The following DPYD variants were observed in gnomAD, a reference collection of about 807,000 sequenced individuals.
The protein encoded by DPYD is dihydropyrimidine dehydrogenase, also known as dihydropyrimidine dehydrogenase [NADP(+)].
DPYD carries 109 observed loss-of-function variants against 116.2 expected under a neutral mutation model. The ratio of observed to expected loss-of-function variants is 0.94; its 90% confidence interval spans 0.80 to 1.10. The LOEUF (loss-of-function observed/expected upper bound fraction) is 1.10, where lower values mean the gene tolerates loss of function less well. DPYD is among the 50% of genes least tolerant of loss of function. The pLI, the probability that DPYD is intolerant of heterozygous loss-of-function variation, is 0.00. For synonymous variants in DPYD, 440 were observed against 432.0 expected, an observed-to-expected ratio of 1.02 and a Z score of -0.23; for missense variants, 1,302 against 1,254.5, an observed-to-expected ratio of 1.04 and a Z score of -0.57.
At position 97,640,139 on chromosome 1, in the gene DPYD, C is replaced by T. The variant is rs573433078; in HGVS notation, c.850+38956G>A. Among the ~76,000 whole-genome samples, 8 of 152,154 alleles carry T rather than the reference C, an allele frequency of 5.3e-5. No individual in the cohort carries two copies. The South Asian group carries it at 1.5e-3, about 28-fold the overall frequency. ...AATACATACTAATGAAGTCAAGTTACGTAGTGACTTACAGATTTAAAGGGT... is the reference window on the plus strand; with the variant it reads ...AATACATACTAATGAAGTCAAGTTATGTAGTGACTTACAGATTTAAAGGGT... On this transcript the variant is annotated intron_variant, in intron 8 of 22. Coordinates refer to ENST00000370192, the MANE Select transcript of DPYD (RefSeq NM_000110.4).
intron 18 of DPYD, among the ~76,000 whole-genome samples, chr1:97,264,755 A>G (rs953799156): frequency 2.0e-5 from 3 of 152,012 alleles, no homozygotes; most frequent in Non-Finnish European, 4.4e-5. Context: ...CACAAGGCAA[A>G]GCTAATTTAT....
At chr1:97,609,015 A>C (rs1473258947) in intron 8 of DPYD, among the ~76,000 whole-genome samples, 1 of 151,964 alleles carries the variant, frequency 6.6e-6, no homozygotes, top group Non-Finnish European at 1.5e-5. Context: ...TTTTGACAGA[A>C]TCAATAAAAA....
At chr1:97,737,775 A>G (rs1453794032) in intron 4 of DPYD, among the ~76,000 whole-genome samples, 5 of 152,052 alleles carry the variant, frequency 3.3e-5, no homozygotes, top group Admixed American at 3.3e-4. Flanking sequence ...ATATATATAC[A>G]CACACACATA....
At chr1:97,335,312 A>G (rs1249251017) in intron 16 of DPYD, among the ~76,000 whole-genome samples, 3 of 120,726 alleles carry the variant, frequency 2.5e-5, no homozygotes, top group Admixed American at 8.9e-5. Flanking sequence ...ACACACACAC[A>G]CACACACACA....
intron 8 of DPYD, among the ~76,000 whole-genome samples, chr1:97,597,276 A>G (rs371952530): frequency 6.6e-6 from 1 of 152,194 alleles, no homozygotes; most frequent in African/African-American, 2.4e-5. Flanking sequence ...AGGTCCACGG[A>G]GCCCTCCTCC....
chr1:97,559,835 G>A (rs1439994130), intron 11 of DPYD, among the ~76,000 whole-genome samples: 1 of 152,094 alleles, frequency 6.6e-6, no homozygotes, highest in African/African-American at 2.4e-5. Context: ...ATATCTAATG[G>A]GGATAAAACT....
chr1:97,688,273 G>T lies in DPYD; in HGVS notation c.762+3444C>A, dbSNP rs779030354. Among the ~76,000 whole-genome samples, 101 of 152,014 alleles carry T rather than the reference G, an allele frequency of 6.6e-4. 3 individuals carry two copies. The highest frequency in any genetic ancestry group is 4.6e-4 in the African/African-American group (19 of 41,374). On this transcript the variant is annotated intron_variant, in intron 7 of 22. Coordinates refer to ENST00000370192, the MANE Select transcript of DPYD (RefSeq NM_000110.4). The stretch of plus-strand genomic sequence containing the variant: ...GTTTATTTTAAAGAAAATATTAACT[G>T]GATAGGAAAACACAAAGGAAATTTA...
At chr1:97,772,371 T>C (rs1046983266) in intron 3 of DPYD, among the ~76,000 whole-genome samples, 2 of 152,206 alleles carry the variant, frequency 1.3e-5, no homozygotes, top group African/African-American at 4.8e-5. Flanking sequence ...AAGTTAGCTA[T>C]CCAGCCTGTT....
chr1:97,236,548 T>A (rs114511454), intron 18 of DPYD, among the ~76,000 whole-genome samples: 1,751 of 152,190 alleles, frequency 0.012, 40 homozygotes, highest in African/African-American at 0.04. Flanking sequence ...TCAGTGGTAG[T>A]AAGGAGCGAA....
At chr1:97,897,264 C>T (rs890013282) in intron 1 of DPYD, among the ~76,000 whole-genome samples, 1 of 151,774 alleles carries the variant, frequency 6.6e-6, no homozygotes, top group Non-Finnish European at 1.5e-5. Flanking sequence ...TCTGCTATTG[C>T]TTTATCTTTG....
intron 8 of DPYD, among the ~76,000 whole-genome samples, chr1:97,599,923 G>C (rs575687221): frequency 7.2e-6 from 1 of 138,722 alleles, no homozygotes; most frequent in Admixed American, 7.6e-5. Flanking sequence ...GCTCATGCCT[G>C]TAATCCCAGC....
chr1:97,311,480 G>A (rs1250979533), intron 16 of DPYD, among the ~76,000 whole-genome samples: 3 of 151,656 alleles, frequency 2.0e-5, no homozygotes, highest in Non-Finnish European at 4.4e-5. Context: ...AAACCACAAT[G>A]TGATGCCATT....
intron 5 of DPYD, chr1:97,720,043 T>G: frequency 1.0e-6 from 1 of 984,918 alleles, no homozygotes; most frequent in Non-Finnish European, 1.2e-6. Context: ...GAATGAGTGG[T>G]AGAACCAAGT....
chr1:97,588,652 C>T (rs773999618), intron 10 of DPYD, among the ~76,000 whole-genome samples: 3 of 152,132 alleles, frequency 2.0e-5, no homozygotes, highest in Non-Finnish European at 2.9e-5. Context: ...GAATTATTAA[C>T]AGATTTTCCC....
intron 19 of DPYD, among the ~76,000 whole-genome samples, chr1:97,231,380 T>A (rs9651211): frequency 0.22 from 32,956 of 152,098 alleles, 3,927 homozygotes; most frequent in South Asian, 0.52. Context: ...GACTGGGTAA[T>A]TTATAAAGGA....
intron 18 of DPYD, among the ~76,000 whole-genome samples, chr1:97,304,352 A>G (rs1667036805): frequency 6.6e-6 from 1 of 151,998 alleles, no homozygotes; most frequent in Admixed American, 6.6e-5. Flanking sequence ...GCTCCTCGTC[A>G]GCCTTCTTCT....
chr1:97,170,345 C>T (rs1656632892), intron 20 of DPYD, among the ~76,000 whole-genome samples: 1 of 152,120 alleles, frequency 6.6e-6, no homozygotes, highest in Non-Finnish European at 1.5e-5. Flanking sequence ...GAATTATAAG[C>T]CAATTGAAGG....
At chr1:97,086,960 T>C (rs1649562753) in intron 21 of DPYD, among the ~76,000 whole-genome samples, 1 of 152,242 alleles carries the variant, frequency 6.6e-6, no homozygotes, top group South Asian at 2.1e-4. Context: ...TCTGTACCAT[T>C]ACCAATGTCA....
chr1:97,640,836 A>G (rs939326367), intron 8 of DPYD, among the ~76,000 whole-genome samples: 2 of 152,144 alleles, frequency 1.3e-5, no homozygotes, highest in Non-Finnish European at 2.9e-5. Flanking sequence ...TAGAAAAGTC[A>G]CAGAGGCCAA....
Sources: allele counts gnomAD v4.1 joint callset (sites outside exome capture counted in the v4.1 genomes callset), GRCh38; gene constraint gnomAD v4.1.1; transcripts MANE v1.5; gene names NCBI Gene and HGNC (gene_info 2026-07-23, HGNC 2026-07-21).